The following AMPH variants were observed in gnomAD, a reference collection of about 807,000 sequenced individuals.
The protein encoded by AMPH is amphiphysin, also known as amphiphysin (Stiff-Mann syndrome with breast cancer 128kD autoantigen).
A neutral mutation model predicts 99.1 loss-of-function variants in AMPH; 49 were observed. The observed-to-expected ratio is 0.49, with a 90% CI of 0.39 to 0.63. AMPH has a LOEUF of 0.63. AMPH is among the 20% of genes least tolerant of loss of function. AMPH has a pLI of 0.00. For missense variants in AMPH, 759 were observed against 863.4 expected (o/e 0.88, Z 1.52); for synonymous variants, 314 against 317.3 (o/e 0.99, Z 0.11).
At chr7:38,518,762 T>C (rs962215141) in intron 2 of AMPH, among the ~76,000 whole-genome samples, 8 of 152,204 alleles carry the variant, frequency 5.3e-5, no homozygotes, top group Non-Finnish European at 7.4e-5. Context: ...GACTTTGAAC[T>C]TTTGAATTGA....
At chr7:38,519,079 C>T (rs1007622466) in intron 2 of AMPH, among the ~76,000 whole-genome samples, 4 of 152,196 alleles carry the variant, frequency 2.6e-5, no homozygotes, top group African/African-American at 9.6e-5. Context: ...CTCTGTGTCA[C>T]GTTAACTTGC....
chr7:38,426,940 A>T lies in AMPH; in HGVS notation c.1215+14T>A. 1.9e-6 allele frequency: 3 copies of T among 1,612,232 alleles called. No homozygotes were observed. The highest frequency in any genetic ancestry group is 2.5e-6 in the Non-Finnish European group (3 of 1,178,796). ...TCTCAGCAGATGGATCTTGTAAGAAAACAGATTCCTTACCTGTGTGAATCC... is the reference window on the plus strand; with the variant it reads ...TCTCAGCAGATGGATCTTGTAAGAATACAGATTCCTTACCTGTGTGAATCC... On this transcript the variant is annotated intron_variant, in intron 15 of 20. Transcript: ENST00000356264.
intron 1 of AMPH, among the ~76,000 whole-genome samples, chr7:38,550,021 G>A (rs1487755437): frequency 6.6e-6 from 1 of 152,184 alleles, no homozygotes; most frequent in Admixed American, 6.5e-5. Context: ...TTGAAAGAAT[G>A]TTGTTGTCTG....
At chr7:38,446,134 T>C (rs1786768129) in intron 11 of AMPH, among the ~76,000 whole-genome samples, 1 of 152,210 alleles carries the variant, frequency 6.6e-6, no homozygotes, top group Non-Finnish European at 1.5e-5. Flanking sequence ...TTTATAGCCA[T>C]GTGAGAATGG....
At chr7:38,620,131 T>G (rs894344079) in intron 1 of AMPH, among the ~76,000 whole-genome samples, 1 of 152,022 alleles carries the variant, frequency 6.6e-6, no homozygotes, top group African/African-American at 2.4e-5. Flanking sequence ...TAGGATTCCT[T>G]CCAAGCTGCA....
chr7:38,590,378 G>A (rs1268488141), intron 1 of AMPH, among the ~76,000 whole-genome samples: 1 of 152,162 alleles, frequency 6.6e-6, no homozygotes, highest in African/African-American at 2.4e-5. Flanking sequence ...CAGCGGGTCT[G>A]TGATGGCGGC....
chr7:38,555,125 T>C (rs1450763076), intron 1 of AMPH, among the ~76,000 whole-genome samples: 1 of 151,700 alleles, frequency 6.6e-6, no homozygotes, highest in Non-Finnish European at 1.5e-5. Context: ...AGGGCAAGAG[T>C]TAGAATCTCA....
intron 1 of AMPH, among the ~76,000 whole-genome samples, chr7:38,576,821 G>C (rs1584265725): frequency 6.6e-6 from 1 of 152,104 alleles, no homozygotes; most frequent in African/African-American, 2.4e-5. Flanking sequence ...TCAGAATCCG[G>C]ACCCTGCTAA....
At chr7:38,561,153 C>T (rs1328527340) in intron 1 of AMPH, among the ~76,000 whole-genome samples, 7 of 152,182 alleles carry the variant, frequency 4.6e-5, no homozygotes, top group South Asian at 2.1e-4. Context: ...GGCATATGGC[C>T]ACTGCCATGT....
chr7:38,528,322 C>T (rs1039487980), intron 2 of AMPH, among the ~76,000 whole-genome samples: 4 of 152,138 alleles, frequency 2.6e-5, no homozygotes, highest in African/African-American at 9.7e-5. Context: ...AAATTGATAT[C>T]AATTCTTTAA....
At chr7:38,591,413 T>C (rs773148738) in intron 1 of AMPH, among the ~76,000 whole-genome samples, 9 of 151,574 alleles carry the variant, frequency 5.9e-5, no homozygotes, top group Non-Finnish European at 1.2e-4. Flanking sequence ...TCAGCCTCCC[T>C]AGTAGCTGGA....
chr7:38,506,898 T>C (rs902068758), intron 2 of AMPH, among the ~76,000 whole-genome samples: 10 of 152,160 alleles, frequency 6.6e-5, no homozygotes, highest in African/African-American at 2.4e-4. Flanking sequence ...TCCATGGAAA[T>C]GTGTGAGGGA....
chr7:38,475,304 G>A, intron 7 of AMPH, 27 bp downstream of exon 7: 2 of 1,476,484 alleles, frequency 1.4e-6, no homozygotes, highest in South Asian at 1.1e-5. Context: ...AAAGGAACAT[G>A]TGCAACCCAT....
intron 1 of AMPH, among the ~76,000 whole-genome samples, chr7:38,626,456 A>G (rs1450782117): frequency 2.6e-5 from 4 of 152,324 alleles, no homozygotes; most frequent in Non-Finnish European, 5.9e-5. Flanking sequence ...AGGAGTCCCT[A>G]TTTACTAAAT....
At chr7:38,398,088 AAC>A (rs1784723411) in intron 17 of AMPH, among the ~76,000 whole-genome samples, 1 of 150,528 alleles carries the variant, frequency 6.6e-6, no homozygotes, top group Non-Finnish European at 1.5e-5. Flanking sequence ...TATTATGGTG[AAC>A]AGTTTGGAGG....
intron 17 of AMPH, among the ~76,000 whole-genome samples, chr7:38,401,915 C>T (rs1784851946): frequency 1.3e-5 from 2 of 151,964 alleles, no homozygotes; most frequent in Admixed American, 6.6e-5. Context: ...CTTATAGTCT[C>T]TTCTTCAGGA....
At chr7:38,445,978 A>C (rs557593760) in intron 11 of AMPH, among the ~76,000 whole-genome samples, 1 of 152,290 alleles carries the variant, frequency 6.6e-6, no homozygotes, top group African/African-American at 2.4e-5. Flanking sequence ...CATGTTAGAC[A>C]CCTGCTCTTG....
Position 38,598,577 on chromosome 7 carries a change from C to T in AMPH, c.69+32706G>A, listed in dbSNP as rs868090862. 5.9e-5 allele frequency among the ~76,000 whole-genome samples: 9 copies of T among 152,310 alleles called. No homozygotes were observed. The Middle Eastern group carries it at 0.017, about 288-fold the overall frequency. ...TCGGGCTCCCAAAGTGCTGGGATTA[C>T]AGGCGTGATGCAATGTTTTAATATC... On this transcript the variant is annotated intron_variant, in intron 1 of 20. Transcript: ENST00000356264.
intron 1 of AMPH, among the ~76,000 whole-genome samples, chr7:38,552,833 T>C (rs761907302): frequency 2.6e-5 from 4 of 152,212 alleles, no homozygotes; most frequent in Non-Finnish European, 5.9e-5. Context: ...CTATCGCTCT[T>C]TCATGATGCA....
Sources: gnomAD v4.1 joint callset for allele counts (sites outside exome capture counted in the v4.1 genomes callset) on GRCh38, gnomAD v4.1.1 for gene constraint, MANE v1.5 for transcripts, NCBI Gene and HGNC (gene_info 2026-07-23, HGNC 2026-07-21) for gene names.